DIAPH3: variants seen among roughly 807,000 people sequenced by gnomAD.
DIAPH3 encodes the protein protein diaphanous homolog 3.
Under a neutral mutation model 144.3 loss-of-function variants are expected in DIAPH3, and 117 were observed. The ratio of observed to expected loss-of-function variants is 0.81; its 90% CI spans 0.70 to 0.95. DIAPH3 has a LOEUF of 0.95. Ranked by LOEUF, DIAPH3 falls within the 40% of genes least tolerant of loss-of-function variation. DIAPH3 has a pLI of 0.00. For synonymous variants in DIAPH3, 519 were observed against 488.9 expected (o/e 1.06, Z -0.81); for missense variants, 1,421 against 1,412.7 (o/e 1.01, Z -0.09).
intron 27 of DIAPH3, among the ~76,000 whole-genome samples, chr13:59,674,598 T>C (rs1243092579): frequency 2.0e-5 from 3 of 152,208 alleles, no homozygotes; most frequent in Non-Finnish European, 4.4e-5. Context: ...CATCACGATC[T>C]CACAGCTTCA....
intron 4 of DIAPH3, among the ~76,000 whole-genome samples, chr13:60,069,578 T>G (rs2057117826): frequency 6.6e-6 from 1 of 152,180 alleles, no homozygotes; most frequent in African/African-American, 2.4e-5. Context: ...TAGTGTTTCC[T>G]AGGTTTTCTT....
At chr13:59,835,707 C>T (rs1411120379) in intron 23 of DIAPH3, among the ~76,000 whole-genome samples, 5 of 151,680 alleles carry the variant, frequency 3.3e-5, no homozygotes, top group Non-Finnish European at 7.4e-5. Flanking sequence ...CAATAAATCA[C>T]CCAATTGCCC....
At chr13:59,938,366 T>C (rs936284434) in intron 17 of DIAPH3, among the ~76,000 whole-genome samples, 1 of 152,146 alleles carries the variant, frequency 6.6e-6, no homozygotes, top group Non-Finnish European at 1.5e-5. Flanking sequence ...CTCAGCACTT[T>C]GGGAGGCCAA....
chr13:59,748,354 C>T (rs1482977565), intron 27 of DIAPH3, among the ~76,000 whole-genome samples: 1 of 152,078 alleles, frequency 6.6e-6, no homozygotes, highest in Admixed American at 6.5e-5. Flanking sequence ...AGTTCTCATG[C>T]AATACATTGC....
At chr13:59,753,736 C>T (rs975796353) in intron 27 of DIAPH3, among the ~76,000 whole-genome samples, 2 of 151,964 alleles carry the variant, frequency 1.3e-5, no homozygotes, top group Non-Finnish European at 2.9e-5. Context: ...ATAATAGAAG[C>T]AGAATTGTAA....
At chr13:59,827,468 G>C (rs1317314631) in intron 24 of DIAPH3, among the ~76,000 whole-genome samples, 1 of 152,040 alleles carries the variant, frequency 6.6e-6, no homozygotes, top group African/African-American at 2.4e-5. Context: ...GGGGTGTGAA[G>C]AGGATGAAAG....
intron 4 of DIAPH3, among the ~76,000 whole-genome samples, chr13:60,071,872 T>C (rs1298831276): frequency 6.6e-6 from 1 of 152,088 alleles, no homozygotes; most frequent in African/African-American, 2.4e-5. Context: ...ATTTGCCTCT[T>C]TTATCTTCAA....
intron 22 of DIAPH3, among the ~76,000 whole-genome samples, chr13:59,853,043 A>G (rs554631568): frequency 6.6e-6 from 1 of 152,294 alleles, no homozygotes; most frequent in South Asian, 2.1e-4. Context: ...ATCTGGGTTA[A>G]GTACTAATAT....
rs188636026 is a variant in DIAPH3 at position 59,973,123 on chromosome 13, C to A, written c.1650+1229G>T. Among the ~76,000 whole-genome samples the A allele has an allele frequency of 2.6e-5, 4 of 152,202 alleles. No individual in the cohort carries two copies. In the East Asian group the frequency reaches 7.7e-4, roughly 29 times the overall value. On this transcript the variant is annotated intron_variant, in intron 15 of 27. Coordinates refer to ENST00000400324, the MANE Select transcript of DIAPH3 (RefSeq NM_001042517.2). The stretch of plus-strand genomic sequence containing the variant: ...ACAATTTAAAACAATTTAGGAGATT[C>A]CTTGATTTAATTTCACTTTCAAAAC...
intron 4 of DIAPH3, among the ~76,000 whole-genome samples, chr13:60,091,744 A>C (rs1227302166): frequency 6.6e-6 from 1 of 152,182 alleles, no homozygotes; most frequent in Non-Finnish European, 1.5e-5. Flanking sequence ...ACAAAGAAAA[A>C]CAAACTATTG....
intron 27 of DIAPH3, among the ~76,000 whole-genome samples, chr13:59,750,205 T>C (rs2036935313): frequency 6.6e-6 from 1 of 152,182 alleles, no homozygotes; most frequent in African/African-American, 2.4e-5. Flanking sequence ...GTCTACTCAA[T>C]TAGAAGGCAC....
chr13:59,875,854 T>G (rs910795016), intron 21 of DIAPH3, among the ~76,000 whole-genome samples: 1 of 152,130 alleles, frequency 6.6e-6, no homozygotes, highest in Non-Finnish European at 1.5e-5. Context: ...CCAGAGATAT[T>G]ATAGTTACTC....
intron 3 of DIAPH3, among the ~76,000 whole-genome samples, chr13:60,109,674 G>A (rs560733040): frequency 1.8e-4 from 28 of 152,226 alleles, no homozygotes; most frequent in Non-Finnish European, 3.7e-4. Flanking sequence ...CTTTTAACCA[G>A]GATCAGAAGA....
chr13:60,138,505 G>A (rs1369480441), intron 1 of DIAPH3, among the ~76,000 whole-genome samples: 1 of 152,166 alleles, frequency 6.6e-6, no homozygotes, highest in Admixed American at 6.5e-5. Flanking sequence ...GATAAAGTTG[G>A]GACAGGCCTT....
At chr13:60,160,719 C>T (rs1179336630) in intron 1 of DIAPH3, among the ~76,000 whole-genome samples, 2 of 152,190 alleles carry the variant, frequency 1.3e-5, no homozygotes, top group Admixed American at 6.5e-5. Flanking sequence ...CTCTTCTATG[C>T]CCCAGTAGCT....
At chr13:59,701,825 C>T (rs187670456) in intron 27 of DIAPH3, among the ~76,000 whole-genome samples, 4 of 152,328 alleles carry the variant, frequency 2.6e-5, no homozygotes, top group Admixed American at 2.6e-4. Context: ...CTGTATTCAT[C>T]TGCCCACCTG....
intron 17 of DIAPH3, among the ~76,000 whole-genome samples, chr13:59,946,997 G>C (rs1452715309): frequency 1.3e-5 from 2 of 152,138 alleles, no homozygotes; most frequent in Non-Finnish European, 1.5e-5. Context: ...CTGTCAATCA[G>C]CACCATTTGT....
Position 59,861,409 on chromosome 13 carries a change from T to C in DIAPH3, c.2735A>G (p.Lys912Arg), listed in dbSNP as rs760087986. Reference sequence around the variant, plus strand: ...ATGTTTCTTAAAAAGGCACAAACCTTTACTAGCTTTGTCTAAAGGTTCCAA... The same window carrying C: ...ATGTTTCTTAAAAAGGCACAAACCTCTACTAGCTTTGTCTAAAGGTTCCAA... ...DDLEPLDKAS[K>R]VSVETLEKNL... The change falls in exon 22 of 28, where the codon AAA becomes AGA. Residue 912 changes from lysine (K) to arginine (R), a missense_variant and splice_region_variant. Transcript: ENST00000400324. 3 of 1,613,738 alleles carry C rather than the reference T, an allele frequency of 1.9e-6. No individual in the cohort carries two copies. Among genetic ancestry groups the C allele is most frequent in the Non-Finnish European group, 1.7e-6 (2 of 1,179,880 alleles).
intron 4 of DIAPH3, among the ~76,000 whole-genome samples, chr13:60,072,098 C>T (rs188422930): frequency 7.0e-4 from 107 of 152,266 alleles, no homozygotes; most frequent in African/African-American, 2.5e-3. Flanking sequence ...TCCACATGGG[C>T]CCTCTCCCAC....
Sources: allele counts gnomAD v4.1 joint callset (sites outside exome capture counted in the v4.1 genomes callset), GRCh38; gene constraint gnomAD v4.1.1; transcripts MANE v1.5; gene names NCBI Gene and HGNC (gene_info 2026-07-23, HGNC 2026-07-21).